Variants in MAP3K19 observed in about 807,000 individuals in gnomAD.
MAP3K19 encodes the protein mitogen-activated protein kinase kinase kinase 19.
Under a neutral mutation model 114.4 loss-of-function variants are expected in MAP3K19, and 91 were observed. The observed-to-expected ratio is 0.80, with a 90% CI of 0.67 to 0.95. The LOEUF is 0.95. Among genes scored for constraint, MAP3K19 ranks in the 40% least tolerant of loss-of-function variants. The pLI, the probability that MAP3K19 is intolerant of heterozygous loss-of-function variation, is 0.00. For synonymous variants in MAP3K19, 518 were observed against 530.5 expected (o/e 0.98, Z 0.32); for missense variants, 1,471 against 1,573.2 (o/e 0.94, Z 1.10).
In MAP3K19 at chr2:135,011,665, T is replaced by TGTTG. The variant is rs146388702; in HGVS notation, c.139-6138_139-6135dup. ...GAATCTCTTGAGACTAAGAGTTTGATGTTGTTTGTTTGTTTGTTTGTTTGT... is the reference window on the plus strand; with the variant it reads ...GAATCTCTTGAGACTAAGAGTTTGATGTTGGTTGTTTGTTTGTTTGTTTGTTTGT... On this transcript the variant is annotated intron_variant, in intron 5 of 12. Coordinates refer to ENST00000392915, the MANE Select transcript of MAP3K19 (RefSeq NM_025052.5). 7.9e-3 allele frequency among the ~76,000 whole-genome samples: 1,137 copies of TGTTG among 144,266 alleles called. 12 individuals are homozygous for TGTTG. Among genetic ancestry groups the TGTTG allele is most frequent in the African/African-American group, 0.031 (1,082 of 35,048 alleles). 94.6% of individuals were successfully genotyped at this position (144,266 alleles called of 152,430 possible). A position where few individuals can be genotyped will look rare whatever the true frequency, so the allele number is the denominator to read the frequency against.
Position 134,998,827 on chromosome 2 carries a change from G to C in MAP3K19, c.485C>G (p.Pro162Arg), listed in dbSNP as rs942140609. ...LCNVNLGFLL[P>R]RSCLELNISK... The stretch of plus-strand genomic sequence containing the variant: ...AATGTTCAGTTCTAAACAAGATCTT[G>C]GTAGCAAAAAGCCCAAGTTCACATT... The change falls in exon 8 of 13, where the codon CCA (proline) becomes CGA (arginine). Residue 162 changes from proline (P) to arginine (R), a missense_variant. Transcript: ENST00000392915. 1.2e-6 allele frequency: 2 copies of C among 1,614,120 alleles called. No individual in the cohort carries two copies. The highest frequency in any genetic ancestry group is 1.1e-5 in the South Asian group (1 of 91,088).
chr2:135,031,230 T>C (rs925599632), intron 2 of MAP3K19, among the ~76,000 whole-genome samples: 11 of 151,120 alleles, frequency 7.3e-5, no homozygotes, highest in African/African-American at 2.0e-4. Context: ...AGGAGGATGA[T>C]GGGGGCACTT....
intron 12 of MAP3K19, among the ~76,000 whole-genome samples, chr2:134,972,491 A>G (rs1479557185): frequency 1.3e-5 from 2 of 152,076 alleles, no homozygotes; most frequent in Admixed American, 6.6e-5. Flanking sequence ...TACTTTTTTA[A>G]AAGGTCACCC....
chr2:135,043,143 A>G (rs1399817087), intron 1 of MAP3K19, among the ~76,000 whole-genome samples: 1 of 152,160 alleles, frequency 6.6e-6, no homozygotes, highest in Non-Finnish European at 1.5e-5. Context: ...TGACTGATTG[A>G]CCATAGACAA....
intron 5 of MAP3K19, among the ~76,000 whole-genome samples, chr2:135,015,236 A>G (rs762617965): frequency 5.8e-4 from 88 of 152,204 alleles, no homozygotes; most frequent in Non-Finnish European, 8.5e-4. Flanking sequence ...AATTGTAATC[A>G]TTCTGTGGAT....
Position 135,000,741 on chromosome 2 carries a change from G to A in MAP3K19, c.236-726C>T, listed in dbSNP as rs910640568. ...GTGATAGAAGCAAGTGGTGATGTGG[G>A]AGCAGAGAGGCGTGTCCTTCCGGGA... On this transcript the variant is annotated intron_variant, in intron 6 of 12. Transcript: ENST00000392915. 3.3e-4 allele frequency among the ~76,000 whole-genome samples: 50 copies of A among 152,196 alleles called. 1 individual carries two copies. Among genetic ancestry groups the A allele is most frequent in the Non-Finnish European group, 1.8e-4 (12 of 68,036 alleles).
chr2:135,000,319 C>T (rs1321465168), intron 6 of MAP3K19, among the ~76,000 whole-genome samples: 1 of 152,154 alleles, frequency 6.6e-6, no homozygotes, highest in African/African-American at 2.4e-5. Flanking sequence ...TAAAGTGTAA[C>T]GACACCTATC....
Position 135,011,400 on chromosome 2 carries a change from A to G in MAP3K19, c.139-5869T>C, listed in dbSNP as rs544630137. On this transcript the variant is annotated intron_variant, in intron 5 of 12. Transcript: ENST00000392915. ...AAAATACAAAAAATTAGCCAGGCGT[A>G]GTGGCGGGCCCCTGCAGTCCCAGCT... Among the ~76,000 whole-genome samples, 438 of 152,022 alleles carry G rather than the reference A, an allele frequency of 2.9e-3. 4 individuals carry two copies. The highest frequency in any genetic ancestry group is 9.7e-3 in the African/African-American group (403 of 41,448).
At chr2:135,014,667 C>A (rs1687466560) in intron 5 of MAP3K19, among the ~76,000 whole-genome samples, 1 of 152,334 alleles carries the variant, frequency 6.6e-6, no homozygotes, top group South Asian at 2.1e-4. Context: ...GGACCCAGAT[C>A]AAATAAAAGA....
At chr2:134,982,180 C>T (rs1259326765) in intron 11 of MAP3K19, among the ~76,000 whole-genome samples, 1 of 139,632 alleles carries the variant, frequency 7.2e-6, no homozygotes, top group Non-Finnish European at 1.5e-5. Flanking sequence ...TGCAGTGGCC[C>T]TGATCATATC....
At chr2:135,026,365 T>C (rs989588515) in intron 3 of MAP3K19, among the ~76,000 whole-genome samples, 1 of 152,204 alleles carries the variant, frequency 6.6e-6, no homozygotes, top group African/African-American at 2.4e-5. Context: ...AATCTCCACT[T>C]TTATCAATTG....
At chr2:135,021,549 G>C (rs147116576) in intron 5 of MAP3K19, among the ~76,000 whole-genome samples, 166 bp downstream of exon 5, 7 of 152,134 alleles carry the variant, frequency 4.6e-5, no homozygotes, top group African/African-American at 1.7e-4. Context: ...GCTAATTACT[G>C]CTCTGAGATT....
rs766301109 is a variant in MAP3K19 at position 134,988,175 on chromosome 2, C to G, written c.697G>C (p.Glu233Gln). The part of the protein sequence containing the change: ...TIPQNHKFPK[E>Q]KERNIPSLTS... The stretch of plus-strand genomic sequence containing the variant: ...AGACTTGGAATGTTTCTTTCTTTTT[C>G]TTTTGGAAACTTGTGATTTTGGGGG... Residue 233 changes from glutamate (E) to glutamine (Q), a missense_variant, in exon 10 of 13, where the codon GAA becomes CAA. Transcript: ENST00000392915. 34 of 1,612,398 alleles carry G rather than the reference C, an allele frequency of 2.1e-5. 1 individual carries two copies. In the South Asian group the frequency reaches 3.4e-4, roughly 16 times the overall value.
chr2:135,043,274 T>C (rs1688681753), intron 1 of MAP3K19, among the ~76,000 whole-genome samples: 1 of 152,056 alleles, frequency 6.6e-6, no homozygotes, highest in Admixed American at 6.6e-5. Flanking sequence ...TAAACAAGTG[T>C]GTGTGGTTGG....
chr2:134,967,288 A>T (rs1683425564), intron 12 of MAP3K19, among the ~76,000 whole-genome samples: 1 of 152,182 alleles, frequency 6.6e-6, no homozygotes, highest in South Asian at 2.1e-4. Context: ...TGATAGTCTG[A>T]AAAGTGGCCT....
intron 9 of MAP3K19, among the ~76,000 whole-genome samples, chr2:134,990,622 A>G (rs1045571148): frequency 1.3e-5 from 2 of 151,720 alleles, no homozygotes; most frequent in African/African-American, 2.4e-5. Context: ...GACTACAGGC[A>G]CCCGCCACCA....
At chr2:135,019,331 A>AT (rs1287513103) in intron 5 of MAP3K19, among the ~76,000 whole-genome samples, 1 of 152,232 alleles carries the variant, frequency 6.6e-6, no homozygotes, top group African/African-American at 2.4e-5. Context: ...AGGAGAAAAT[A>AT]TTTTATGAAG....
intron 11 of MAP3K19, 119 bp downstream of exon 11, chr2:134,983,557 C>A (rs1436711892): frequency 1.5e-6 from 1 of 688,162 alleles, no homozygotes; most frequent in Non-Finnish European, 2.4e-6. Flanking sequence ...TGAAAGAGTT[C>A]TAAGTAAAAG....
intron 5 of MAP3K19, among the ~76,000 whole-genome samples, chr2:135,019,821 T>C (rs1164105621): frequency 2.6e-5 from 4 of 152,104 alleles, no homozygotes; most frequent in Admixed American, 2.6e-4. Flanking sequence ...CTGTTGCCAG[T>C]TTGTTGTACA....
Sources: gnomAD v4.1 joint callset for allele counts (sites outside exome capture counted in the v4.1 genomes callset) on GRCh38, gnomAD v4.1.1 for gene constraint, MANE v1.5 for transcripts, NCBI Gene and HGNC (gene_info 2026-07-23, HGNC 2026-07-21) for gene names.